XIAP: variants seen among roughly 807,000 people sequenced by gnomAD.
XIAP encodes X-linked inhibitor of apoptosis.
XIAP carries 3 observed loss-of-function variants against 33.1 expected under a neutral mutation model. That is an observed-to-expected ratio of 0.09 (90% CI 0.04 to 0.23). The LOEUF is 0.23. XIAP is among the 10% of genes least tolerant of loss of function. The pLI, the probability that XIAP is intolerant of heterozygous loss-of-function variation, is 1.00. For missense variants in XIAP, 264 were observed against 363.0 expected (o/e 0.73, Z 2.22); for synonymous variants, 98 against 121.3 (o/e 0.81, Z 1.26).
chrX:123,903,254 T>C (rs1259991880), intron 6 of XIAP, among the ~76,000 whole-genome samples: 1 of 101,447 alleles, frequency 9.9e-6, no homozygotes, highest in African/African-American at 3.7e-5. Context: ...AATGGTGCAA[T>C]CTTGGCTCAC....
intron 5 of XIAP, among the ~76,000 whole-genome samples, chrX:123,899,119 CAAAAAAAAA>C (rs1187328706): frequency 1.5e-3 from 11 of 7,217 alleles, no homozygotes; most frequent in African/African-American, 8.1e-3. Context: ...GACTACGTCT[CAAAAAAAAA>C]AAAAAAAAAA....
At position 123,913,751 on chromosome X, in the gene XIAP, G is replaced by C. The variant is rs956052033; in HGVS notation, c.*6570G>C. On this transcript the variant is annotated 3_prime_UTR_variant, in exon 7 of 7. Coordinates refer to ENST00000371199, the MANE Select transcript of XIAP (RefSeq NM_001167.4). ...ATTACTGTTATATTTTAACCTGACT[G>C]ACTGATCTAATTGTATTAGTATTGT... The C allele has an allele frequency of 6.1e-6, 2 of 325,260 alleles. No homozygotes were observed. Among genetic ancestry groups the C allele is most frequent in the African/African-American group, 5.3e-5 (2 of 37,416 alleles). 26.8% of individuals were successfully genotyped at this position (325,260 alleles called of 1,213,427 possible).
intron 1 of XIAP, among the ~76,000 whole-genome samples, chrX:123,867,871 T>C (rs1348118059): frequency 9.1e-6 from 1 of 110,228 alleles, no homozygotes; most frequent in Non-Finnish European, 1.9e-5. Context: ...AGATAGTGTT[T>C]TACCATGTTG....
At chrX:123,896,362 CA>C (rs767528369) in intron 5 of XIAP, among the ~76,000 whole-genome samples, 1 of 111,523 alleles carries the variant, frequency 9.0e-6, no homozygotes, top group African/African-American at 3.3e-5. Flanking sequence ...CCACTGTGCC[CA>C]GCCTTGACCA....
intron 1 of XIAP, among the ~76,000 whole-genome samples, chrX:123,884,523 G>C (rs1334460945): frequency 9.1e-6 from 1 of 110,418 alleles, no homozygotes; most frequent in African/African-American, 3.3e-5. Context: ...ATAATATAGA[G>C]ACAGAGTCAT....
intron 5 of XIAP, among the ~76,000 whole-genome samples, chrX:123,895,116 A>G (rs1295976352): frequency 1.8e-5 from 2 of 111,587 alleles, no homozygotes; most frequent in East Asian, 5.6e-4. Flanking sequence ...CTCCATGCTC[A>G]CCCATCAACA....
chrX:123,878,077 C>G, intron 1 of XIAP, among the ~76,000 whole-genome samples: 1 of 111,741 alleles, frequency 8.9e-6, no homozygotes. Context: ...TGACTTAGTC[C>G]TCTCACCTAG....
chrX:123,868,662 G>A (rs1313126327), intron 1 of XIAP, among the ~76,000 whole-genome samples: 1 of 111,666 alleles, frequency 9.0e-6, no homozygotes, highest in Admixed American at 9.6e-5. Flanking sequence ...AGCCCAGGAG[G>A]TGGAGGTTGC....
Position 123,875,223 on chromosome X carries a change from C to T in XIAP, c.-32-10408C>T, listed in dbSNP as rs763759160. On this transcript the variant is annotated intron_variant, in intron 1 of 6. Coordinates refer to ENST00000371199, the MANE Select transcript of XIAP (RefSeq NM_001167.4). The stretch of plus-strand genomic sequence containing the variant: ...ATTTTTAGTAGAGACGGGGTTTCAC[C>T]ATGGCCAGGCTGGTCTTGAACTCCT... Among the ~76,000 whole-genome samples, 5 of 106,851 alleles carry T rather than the reference C, an allele frequency of 4.7e-5. No individual in the cohort carries two copies. In the South Asian group the frequency reaches 1.3e-3, roughly 27 times the overall value. The allele number at this position is 106,851 out of a possible 115,157, so 92.8% of individuals were successfully genotyped here. A position where few individuals can be genotyped will look rare whatever the true frequency, so the allele number is the denominator to read the frequency against.
intron 6 of XIAP, among the ~76,000 whole-genome samples, chrX:123,901,651 C>T (rs1013002965): frequency 6.3e-5 from 7 of 111,478 alleles, no homozygotes; most frequent in Non-Finnish European, 1.1e-4. Context: ...TTCAGATAAT[C>T]GTATAAGTTA....
intron 1 of XIAP, among the ~76,000 whole-genome samples, chrX:123,863,471 G>C (rs773782078): frequency 9.0e-6 from 1 of 111,318 alleles, no homozygotes; most frequent in Admixed American, 9.6e-5. Flanking sequence ...AAAAAGTTAA[G>C]ACTAAAACAG....
chrX:123,876,953 C>G (rs780751545), intron 1 of XIAP, among the ~76,000 whole-genome samples: 2 of 111,538 alleles, frequency 1.8e-5, no homozygotes, highest in South Asian at 3.7e-4. Context: ...CAAAAGCATT[C>G]CAATGTACAT....
intron 1 of XIAP, among the ~76,000 whole-genome samples, chrX:123,883,175 C>T (rs920903532): frequency 8.2e-5 from 9 of 109,804 alleles, no homozygotes; most frequent in Non-Finnish European, 1.5e-4. Context: ...CTCCGCTCCC[C>T]GGGTTCAAGG....
Position 123,869,116 on chromosome X carries a change from C to T in XIAP, c.-33+8823C>T, listed in dbSNP as rs141587025. Among the ~76,000 whole-genome samples, 47 of 110,294 alleles carry T rather than the reference C, an allele frequency of 4.3e-4. No homozygotes were observed. The East Asian group carries it at 0.011, about 25-fold the overall frequency. ...GTGGATTAAAGCTGATTTCTTAAAC[C>T]GGACAAGGCTGCTGCCATTGTGCAT... On this transcript the variant is annotated intron_variant, in intron 1 of 6. Coordinates refer to ENST00000371199, the MANE Select transcript of XIAP (RefSeq NM_001167.4).
At chrX:123,904,545 C>T (rs1162005503) in intron 6 of XIAP, among the ~76,000 whole-genome samples, 1 of 111,975 alleles carries the variant, frequency 8.9e-6, no homozygotes, top group African/African-American at 3.2e-5. Flanking sequence ...CAAGTTTTCT[C>T]CCGCACCCAC....
At chrX:123,865,505 A>T (rs1421264964) in intron 1 of XIAP, among the ~76,000 whole-genome samples, 1 of 108,592 alleles carries the variant, frequency 9.2e-6, no homozygotes, top group African/African-American at 3.3e-5. Flanking sequence ...AGGCGGGCGG[A>T]TCACGAGGTC....
rs1191320823 is a variant in XIAP, at chrX:123,878,236, TTTA to T, written c.-32-7391_-32-7389del. 3.7e-5 allele frequency among the ~76,000 whole-genome samples: 4 copies of T among 109,509 alleles called. No individual in the cohort carries two copies. In the East Asian group the frequency reaches 1.1e-3, roughly 31 times the overall value. ...ACTATTTTAATAACATTTTGACAGC[TTTA>T]TTAAGATAAAATTTATATACCATAA... is the stretch of plus-strand genomic sequence containing the variant. On this transcript the variant is annotated intron_variant, in intron 1 of 6. Coordinates refer to ENST00000371199, the MANE Select transcript of XIAP (RefSeq NM_001167.4).
At chrX:123,867,049 C>CCCCA (rs35471589) in intron 1 of XIAP, among the ~76,000 whole-genome samples, 2,878 of 54,787 alleles carry the variant, frequency 0.053, 413 homozygotes, top group Non-Finnish European at 0.069. Flanking sequence ...CCCCCCCCCC[C>CCCCA]TTCAACATTC....
Position 123,907,999 on chromosome X carries a change from G to C in XIAP, c.*818G>C, listed in dbSNP as rs1417140402. 1 of 373,035 alleles carries C rather than the reference G, an allele frequency of 2.7e-6. No homozygotes were observed. Among genetic ancestry groups the C allele is most frequent in the Admixed American group, 3.0e-5 (1 of 32,910 alleles). 30.7% of individuals were successfully genotyped at this position (373,035 alleles called of 1,213,427 possible). A position where few individuals can be genotyped will look rare whatever the true frequency, so the allele number is the denominator to read the frequency against. On this transcript the variant is annotated 3_prime_UTR_variant, in exon 7 of 7. Coordinates refer to ENST00000371199, the MANE Select transcript of XIAP (RefSeq NM_001167.4). ...AGGGGCCCCAGAGGGGTTTTATAGG[G>C]GCCTTTTCACTTTCTACTTTTTTCA...
Sources: allele counts gnomAD v4.1 joint callset (sites outside exome capture counted in the v4.1 genomes callset), GRCh38; gene constraint gnomAD v4.1.1; transcripts MANE v1.5; gene names NCBI Gene and HGNC (gene_info 2026-07-23, HGNC 2026-07-21).